Variants in CSMD1 observed in about 807,000 individuals in gnomAD.
CSMD1 encodes the protein CUB and Sushi multiple domains 1.
Under a neutral mutation model 417.5 loss-of-function variants are expected in CSMD1, and 213 were observed. The observed-to-expected ratio is 0.51, with a 90% CI of 0.46 to 0.57. The LOEUF (loss-of-function observed/expected upper bound fraction) is 0.57, where lower values mean the gene tolerates loss of function less well. Among genes scored for constraint, CSMD1 ranks in the 20% least tolerant of loss-of-function variants. The pLI, the probability that CSMD1 is intolerant of heterozygous loss-of-function variation, is 0.00. For synonymous variants in CSMD1, 2,862 were observed against 1,736.8 expected (o/e 1.65, Z -16.11); for missense variants, 6,923 against 4,529.7 (o/e 1.53, Z -15.17).
At chr8:3,494,765 A>G (rs762978925) in intron 10 of CSMD1, among the ~76,000 whole-genome samples, 6 of 152,220 alleles carry the variant, frequency 3.9e-5, no homozygotes, top group Non-Finnish European at 8.8e-5. Context: ...GAGAGAAGGG[A>G]CAGGAGGAAC....
intron 7 of CSMD1, among the ~76,000 whole-genome samples, chr8:3,663,648 A>G (rs1184741244): frequency 6.6e-6 from 1 of 152,118 alleles, no homozygotes; most frequent in African/African-American, 2.4e-5. Context: ...AACTCAAAAG[A>G]ATGCAATCAT....
intron 4 of CSMD1, among the ~76,000 whole-genome samples, chr8:4,021,090 T>C (rs939374750): frequency 1.3e-5 from 2 of 152,182 alleles, no homozygotes; most frequent in Non-Finnish European, 1.5e-5. Flanking sequence ...ATAATGAGGA[T>C]AGAGGATACA....
At chr8:4,627,389 G>C (rs1245629986) in intron 2 of CSMD1, among the ~76,000 whole-genome samples, 1 of 152,018 alleles carries the variant, frequency 6.6e-6, no homozygotes, top group South Asian at 2.1e-4. Context: ...TATTAATATG[G>C]ATGGTTTCCC....
chr8:4,214,968 C>T (rs1168575043), intron 3 of CSMD1, among the ~76,000 whole-genome samples: 3 of 152,142 alleles, frequency 2.0e-5, no homozygotes, highest in Non-Finnish European at 2.9e-5. Flanking sequence ...ACGTGAGATA[C>T]AGGCACAGCT....
chr8:4,666,640 G>A (rs975064134), intron 1 of CSMD1, among the ~76,000 whole-genome samples: 2 of 152,070 alleles, frequency 1.3e-5, no homozygotes, highest in African/African-American at 2.4e-5. Context: ...ATAAGCAACA[G>A]GAAAATAGTA....
At chr8:3,873,894 G>A (rs550587285) in intron 5 of CSMD1, among the ~76,000 whole-genome samples, 1 of 152,110 alleles carries the variant, frequency 6.6e-6, no homozygotes, top group Non-Finnish European at 1.5e-5. Flanking sequence ...CTGAACTGGG[G>A]GAGGTCACTG....
At chr8:3,940,656 T>C (rs563219183) in intron 5 of CSMD1, among the ~76,000 whole-genome samples, 2 of 152,126 alleles carry the variant, frequency 1.3e-5, no homozygotes, top group East Asian at 3.9e-4. Context: ...TGTTTGGGTT[T>C]CCTAGATGTT....
intron 5 of CSMD1, among the ~76,000 whole-genome samples, chr8:3,907,503 A>G (rs1808188498): frequency 6.6e-6 from 1 of 152,206 alleles, no homozygotes; most frequent in Admixed American, 6.5e-5. Flanking sequence ...CCTATTAAGT[A>G]TCATCTCACA....
intron 3 of CSMD1, among the ~76,000 whole-genome samples, chr8:4,417,307 G>T (rs567168453): frequency 6.6e-6 from 1 of 151,950 alleles, no homozygotes; most frequent in East Asian, 1.9e-4. Flanking sequence ...AGTTCCATGT[G>T]TGAATAATAG....
chr8:4,179,769 A>G (rs1237522930), intron 3 of CSMD1, among the ~76,000 whole-genome samples: 1 of 152,138 alleles, frequency 6.6e-6, no homozygotes, highest in African/African-American at 2.4e-5. Flanking sequence ...GTGGTGAACA[A>G]TATGAACAGA....
intron 3 of CSMD1, among the ~76,000 whole-genome samples, chr8:4,195,754 T>C (rs1017246404): frequency 6.6e-6 from 1 of 152,150 alleles, no homozygotes; most frequent in Non-Finnish European, 1.5e-5. Flanking sequence ...TCCGTGCTCA[T>C]GCCAGGAGGT....
chr8:2,949,613 T>A (rs1655918083), intron 67 of CSMD1, among the ~76,000 whole-genome samples: 1 of 152,146 alleles, frequency 6.6e-6, no homozygotes, highest in Admixed American at 6.6e-5. Context: ...ACAATCTCAT[T>A]TTGATCTCGA....
intron 10 of CSMD1, among the ~76,000 whole-genome samples, chr8:3,571,679 T>C (rs1799948591): frequency 6.6e-6 from 1 of 151,856 alleles, no homozygotes; most frequent in Admixed American, 6.6e-5. Flanking sequence ...GGGTCCTGTG[T>C]TCCTCCCTCC....
At chr8:3,817,738 G>T (rs184589609) in intron 5 of CSMD1, among the ~76,000 whole-genome samples, 12 of 152,132 alleles carry the variant, frequency 7.9e-5, no homozygotes, top group African/African-American at 2.9e-4. Flanking sequence ...GAGCTAAGGA[G>T]AAATAACTTC....
chr8:3,214,214 T>C (rs1293421994), intron 30 of CSMD1, among the ~76,000 whole-genome samples: 1 of 152,020 alleles, frequency 6.6e-6, no homozygotes, highest in East Asian at 1.9e-4. Context: ...TAGCACCTCT[T>C]ATAAAGAACA....
Position 3,437,506 on chromosome 8 carries a change from T to C in CSMD1, c.1562-27901A>G, listed in dbSNP as rs967127260. On this transcript the variant is annotated intron_variant, in intron 12 of 69. Coordinates refer to ENST00000635120, the MANE Select transcript of CSMD1 (RefSeq NM_033225.6). ...GGAAATAAGATCAACACTGGCAGCTTCTCCAGCCCTGCTCAAAGAAACTTC... is the reference window on the plus strand; with the variant it reads ...GGAAATAAGATCAACACTGGCAGCTCCTCCAGCCCTGCTCAAAGAAACTTC... Among the ~76,000 whole-genome samples the C allele has an allele frequency of 9.7e-4, 147 of 152,238 alleles. 1 individual carries two copies. The highest frequency in any genetic ancestry group is 3.4e-3 in the African/African-American group (143 of 41,544).
intron 4 of CSMD1, among the ~76,000 whole-genome samples, chr8:4,030,339 T>C (rs1797279032): frequency 6.6e-6 from 1 of 152,226 alleles, no homozygotes; most frequent in Non-Finnish European, 1.5e-5. Flanking sequence ...ATTTCTATAC[T>C]TCCTCTGAAA....
At chr8:3,261,251 G>T in intron 26 of CSMD1, among the ~76,000 whole-genome samples, 1 of 152,150 alleles carries the variant, frequency 6.6e-6, no homozygotes, top group East Asian at 1.9e-4. Context: ...ACAGAATCAC[G>T]TACGCGTTGC....
chr8:4,850,123 T>G (rs1486258783), intron 1 of CSMD1, among the ~76,000 whole-genome samples: 1 of 152,194 alleles, frequency 6.6e-6, no homozygotes, highest in Non-Finnish European at 1.5e-5. Flanking sequence ...ATTCCCCTGA[T>G]GCCTAATAAC....
Sources: gnomAD v4.1 joint callset for allele counts (sites outside exome capture counted in the v4.1 genomes callset) on GRCh38, gnomAD v4.1.1 for gene constraint, MANE v1.5 for transcripts, NCBI Gene and HGNC (gene_info 2026-07-23, HGNC 2026-07-21) for gene names.